PFKFB3: variants seen among roughly 807,000 people sequenced by gnomAD.
PFKFB3 encodes the protein 6-phosphofructo-2-kinase/fructose-2,6-bisphosphatase 3.
In PFKFB3, 33 loss-of-function variants were observed where a neutral mutation model predicts 68.0. That is an observed-to-expected ratio of 0.49 (90% CI 0.37 to 0.65). The LOEUF is 0.65. Among genes scored for constraint, PFKFB3 ranks in the 30% least tolerant of loss-of-function variants. The probability of loss-of-function intolerance (pLI) is 0.00; values close to 1 mark genes in which losing one functional copy is unlikely to be tolerated. For missense variants in PFKFB3, 586 were observed against 712.2 expected, an observed-to-expected ratio of 0.82 and a Z score of 2.02; for synonymous variants, 315 against 288.2, an observed-to-expected ratio of 1.09 and a Z score of -0.94.
chr10:6,303,193 CT>C, the PFKFB3 span, among the ~76,000 whole-genome samples: 5 of 152,148 alleles, frequency 3.3e-5, no homozygotes, highest in African/African-American at 1.2e-4. Flanking sequence ...GCTTACAAGA[CT>C]GATAAATATG....
At chr10:6,149,196 A>G (rs576114486) in intron 1 of PFKFB3, among the ~76,000 whole-genome samples, 3 of 152,334 alleles carry the variant, frequency 2.0e-5, no homozygotes, top group South Asian at 4.1e-4. Context: ...TCAAGTCTAG[A>G]ATCCTATAAC....
intron 14 of PFKFB3, among the ~76,000 whole-genome samples, chr10:6,227,285 G>T (rs1845424072): frequency 6.6e-6 from 1 of 152,126 alleles, no homozygotes; most frequent in South Asian, 2.1e-4. Context: ...CTTAAATTCA[G>T]GTACCACCCA....
Position 6,210,373 on chromosome 10 carries a change from T to G in PFKFB3, c.77-3250T>G, listed in dbSNP as rs11257302. Among the ~76,000 whole-genome samples, 678 of 83,680 alleles carry G rather than the reference T, an allele frequency of 8.1e-3. 177 individuals are homozygous for G. The East Asian group carries it at 0.087, about 11-fold the overall frequency. 54.9% of individuals were successfully genotyped at this position (83,680 alleles called of 152,430 possible). ...TTTTTTTTGTTTTTTTGTTTTTTTTTTTTTTGAGACGAAGTTTCGCTCTGT... is the reference window on the plus strand; with the variant it reads ...TTTTTTTTGTTTTTTTGTTTTTTTTGTTTTTGAGACGAAGTTTCGCTCTGT... On this transcript the variant is annotated intron_variant, in intron 1 of 14. Transcript: ENST00000379775.
chr10:6,200,670 G>GGC (rs1843313595), upstream of PFKFB3, among the ~76,000 whole-genome samples: 2 of 135,446 alleles, frequency 1.5e-5, no homozygotes, highest in South Asian at 2.5e-4. Flanking sequence ...GGGGGGGGGG[G>GGC]GGGGGCGGGG....
chr10:6,238,099 C>G (rs1846062056), downstream of PFKFB3, among the ~76,000 whole-genome samples: 2 of 152,058 alleles, frequency 1.3e-5, no homozygotes, highest in Admixed American at 1.3e-4. Flanking sequence ...GACACTTCAG[C>G]CCTTGGGACT....
At chr10:6,241,160 C>T (rs961477012) in intron 14 of PFKFB3, among the ~76,000 whole-genome samples, 1 of 152,132 alleles carries the variant, frequency 6.6e-6, no homozygotes, top group African/African-American at 2.4e-5. Context: ...CCACCTTGGC[C>T]TCCCAAAGTG....
At chr10:6,253,077 C>G (rs567804095) in intron 14 of PFKFB3, among the ~76,000 whole-genome samples, 3 of 152,226 alleles carry the variant, frequency 2.0e-5, no homozygotes, top group African/African-American at 7.2e-5. Context: ...ACCACCACAC[C>G]CAGCTAATTT....
the PFKFB3 span, among the ~76,000 whole-genome samples, chr10:6,268,907 C>T: frequency 6.6e-6 from 1 of 150,386 alleles, no homozygotes; most frequent in Non-Finnish European, 1.5e-5. Flanking sequence ...ACTGTAGTCC[C>T]AGCTATTTGG....
chr10:6,278,513 G>C, the PFKFB3 span, among the ~76,000 whole-genome samples: 2 of 151,968 alleles, frequency 1.3e-5, no homozygotes, highest in African/African-American at 4.8e-5. Context: ...CTGACCTCAT[G>C]ATCTGCCCAC....
At chr10:6,269,813 A>G in the PFKFB3 span, among the ~76,000 whole-genome samples, 33 of 152,304 alleles carry the variant, frequency 2.2e-4, no homozygotes, top group East Asian at 5.6e-3. Flanking sequence ...ATGTGACTCT[A>G]TCTGACACAG....
intron 1 of PFKFB3, among the ~76,000 whole-genome samples, chr10:6,162,076 C>T (rs1424591474): frequency 3.9e-5 from 6 of 152,188 alleles, no homozygotes; most frequent in Non-Finnish European, 8.8e-5. Context: ...CTGGCAGCCA[C>T]CATTCTTTCT....
At chr10:6,208,929 G>A (rs1008939995) in intron 1 of PFKFB3, among the ~76,000 whole-genome samples, 39 of 152,094 alleles carry the variant, frequency 2.6e-4, no homozygotes, top group African/African-American at 8.9e-4. Context: ...TGCAGGGAAC[G>A]GGCCCCAGTA....
intron 1 of PFKFB3, among the ~76,000 whole-genome samples, chr10:6,187,250 A>G (rs1392366778): frequency 4.0e-5 from 6 of 151,386 alleles, no homozygotes; most frequent in Non-Finnish European, 7.4e-5. Flanking sequence ...AATCCCAGCT[A>G]CTTGGGAGGC....
At chr10:6,288,614 T>G in the PFKFB3 span, among the ~76,000 whole-genome samples, 1 of 151,738 alleles carries the variant, frequency 6.6e-6, no homozygotes, top group Non-Finnish European at 1.5e-5. Context: ...TGTTGGACAT[T>G]TGGGTTGGTT....
Position 6,215,313 on chromosome 10 carries a change from C to A in PFKFB3, c.295C>A (p.Arg99=), listed in dbSNP as rs201889586. 3.1e-6 allele frequency: 5 copies of A among 1,613,360 alleles called. No homozygotes were observed. In the South Asian group the frequency reaches 5.5e-5, roughly 18 times the overall value. Residue 99 remains arginine, a synonymous_variant, in exon 3 of 15, where the codon CGG becomes AGG. Transcript: ENST00000379775. The surrounding 1 kb of genome is among the most constrained non-coding windows in gnomAD (Gnocchi z 4.3). ...CGACAATGAGGAAGCCATGAAAGTC[C>A]GGAAGTAAGGCTGGGCCGCGGGCGT... The part of the protein sequence containing the change: ...RPDNEEAMKV[R]KQCALAALRD...
At chr10:6,193,084 C>A (rs997129640) in intron 1 of PFKFB3, among the ~76,000 whole-genome samples, 23 of 152,262 alleles carry the variant, frequency 1.5e-4, no homozygotes, top group South Asian at 8.3e-4. Context: ...GACATGGTGG[C>A]TTATGCCTGT....
chr10:6,165,603 A>G (rs1842110031), intron 1 of PFKFB3, among the ~76,000 whole-genome samples: 1 of 152,080 alleles, frequency 6.6e-6, no homozygotes, highest in Non-Finnish European at 1.5e-5. Context: ...ATGTTTACCT[A>G]TGTTAGTGGG....
chr10:6,167,593 C>T (rs1431316737), intron 1 of PFKFB3, among the ~76,000 whole-genome samples: 1 of 152,176 alleles, frequency 6.6e-6, no homozygotes, highest in African/African-American at 2.4e-5. Context: ...TCTTGGATCC[C>T]TAGCTAGCAG....
the PFKFB3 span, among the ~76,000 whole-genome samples, chr10:6,285,302 C>T: frequency 3.7e-3 from 557 of 148,942 alleles, 1 homozygote; most frequent in African/African-American, 8.4e-3. Context: ...GGTGTGATAT[C>T]GGCTCACTGC....
Sources: allele counts gnomAD v4.1 joint callset (sites outside exome capture counted in the v4.1 genomes callset), GRCh38; gene constraint gnomAD v4.1.1; non-coding constraint Gnocchi (gnomAD v3.1); transcripts MANE v1.5; gene names NCBI Gene and HGNC (gene_info 2026-07-23, HGNC 2026-07-21).